The following COL17A1 variants were observed in gnomAD, a reference collection of about 807,000 sequenced individuals.
COL17A1 encodes collagen type XVII alpha 1 chain, also known as collagen alpha-1(XVII) chain.
In COL17A1, 181 loss-of-function variants were observed where a neutral mutation model predicts 218.4. That is an observed-to-expected ratio of 0.83 (90% CI 0.73 to 0.94). The LOEUF is 0.94. Ranked by LOEUF, COL17A1 falls within the 40% of genes least tolerant of loss-of-function variation. The probability of loss-of-function intolerance (pLI) is 0.00; values close to 1 mark genes in which losing one functional copy is unlikely to be tolerated. For missense variants in COL17A1, 1,924 were observed against 1,945.9 expected (o/e 0.99, Z 0.21); for synonymous variants, 721 against 731.0 (o/e 0.99, Z 0.22).
At position 104,052,993 on chromosome 10, in the gene COL17A1, G is replaced by C. The variant is rs568466818; in HGVS notation, c.1939+38C>G. 1.4e-4 allele frequency: 232 copies of C among 1,606,732 alleles called. 2 individuals carry two copies. In the South Asian group the frequency reaches 2.3e-3, roughly 16 times the overall value. The stretch of plus-strand genomic sequence containing the variant: ...TGTTGACAGAGAGAAGGAAGCACAG[G>C]CATAGCTAACTCTGCCGGTGAAGGA... On this transcript the variant is annotated intron_variant, in intron 23 of 55. Transcript: ENST00000648076.
At chr10:104,054,861 G>C in intron 20 of COL17A1, 120 bp downstream of exon 20, 2 of 1,483,344 alleles carry the variant, frequency 1.3e-6, no homozygotes, top group Non-Finnish European at 1.9e-6. Context: ...TCACACACCT[G>C]TCCCATCTGT....
At chr10:104,050,806 C>T in intron 26 of COL17A1, 42 bp downstream of exon 26, 1 of 1,614,120 alleles carries the variant, frequency 6.2e-7, no homozygotes, top group East Asian at 2.2e-5. Flanking sequence ...GGGTCGTGTC[C>T]ATCAGACCCT....
intron 33 of COL17A1, 114 bp from the exon 34 acceptor site, chr10:104,043,974 A>G (rs1589561477): frequency 1.7e-6 from 2 of 1,147,176 alleles, no homozygotes. Context: ...GCCTCTCACC[A>G]TCAGGCTAAA....
intron 5 of COL17A1, among the ~76,000 whole-genome samples, chr10:104,074,601 A>T (rs1394177618): frequency 6.6e-6 from 1 of 152,192 alleles, no homozygotes; most frequent in Non-Finnish European, 1.5e-5. Flanking sequence ...CAGCACCAGG[A>T]ACCTCTCTGA....
At chr10:104,082,490 T>C (rs1163920987) in intron 1 of COL17A1, among the ~76,000 whole-genome samples, 3 of 152,230 alleles carry the variant, frequency 2.0e-5, no homozygotes, top group African/African-American at 7.2e-5. Flanking sequence ...TAAATGCGCC[T>C]GGCAGTCAGT....
chr10:104,035,286 T>C lies in COL17A1; in HGVS notation c.3596A>G (p.Glu1199Gly). Residue 1199 changes from glutamate to glycine, a missense_variant, in exon 50 of 56, where the codon GAG (glutamate) becomes GGG (glycine). Coordinates refer to ENST00000648076, the MANE Select transcript of COL17A1 (RefSeq NM_000494.4). ...PGNVWSSISV[E>G]DLSSYLHTAG... ...ACTATGTAAGTAAGACGAGAGGTCC[T>C]CCACGCTGATGCTGGACCACACATT... The C allele has an allele frequency of 1.2e-6, 2 of 1,614,032 alleles. No homozygotes were observed. Among genetic ancestry groups the C allele is most frequent in the South Asian group, 2.2e-5 (2 of 91,042 alleles).
chr10:104,033,433 C>G, intron 52 of COL17A1, 58 bp from the exon 53 acceptor site: 1 of 1,584,982 alleles, frequency 6.3e-7, no homozygotes, highest in Non-Finnish European at 8.6e-7. Flanking sequence ...CCCTCTTCAG[C>G]AGGAGCACAG....
chr10:104,044,105 G>T (rs1213218423), intron 33 of COL17A1, among the ~76,000 whole-genome samples: 2 of 152,258 alleles, frequency 1.3e-5, no homozygotes, highest in Non-Finnish European at 2.9e-5. Context: ...TTGAGGATGT[G>T]GAAAGCTTGC....
intron 27 of COL17A1, 127 bp from the exon 28 acceptor site, chr10:104,050,251 T>C: frequency 1.4e-6 from 2 of 1,382,286 alleles, no homozygotes; most frequent in South Asian, 1.3e-5. Flanking sequence ...TCAGCGGATG[T>C]TGGTGAGGAC....
intron 48 of COL17A1, 66 bp from the exon 49 acceptor site, chr10:104,035,629 T>G: frequency 7.7e-7 from 1 of 1,297,332 alleles, no homozygotes; most frequent in Non-Finnish European, 1.1e-6. Flanking sequence ...AGAGAGGAGG[T>G]CGGATACAGA....
chr10:104,036,103 G>GGAGT (rs1564671284), intron 48 of COL17A1, among the ~76,000 whole-genome samples: 10 of 652 alleles, frequency 0.015, 1 homozygote, highest in East Asian at 0.036. Context: ...TGTGTGTATG[G>GGAGT]GAGTGTGTGT....
intron 41 of COL17A1, 39 bp from the exon 42 acceptor site, chr10:104,039,679 T>C (rs1378216016): frequency 6.2e-7 from 1 of 1,613,664 alleles, no homozygotes; most frequent in African/African-American, 1.3e-5. Flanking sequence ...CAGCCTCACT[T>C]TTCTCACCCA....
chr10:104,069,867 A>G (rs2086655495), intron 9 of COL17A1, among the ~76,000 whole-genome samples: 1 of 152,168 alleles, frequency 6.6e-6, no homozygotes, highest in African/African-American at 2.4e-5. Context: ...CGTGACAACG[A>G]ACAGCTAAAC....
At chr10:104,034,358 G>C in intron 51 of COL17A1, 24 bp from the exon 52 acceptor site, 1 of 1,539,584 alleles carries the variant, frequency 6.5e-7, no homozygotes, top group Non-Finnish European at 8.7e-7. Flanking sequence ...AGCTGCATGA[G>C]TGGGAGCTCA....
chr10:104,053,159 C>G lies in COL17A1; in HGVS notation c.1835-24G>C, dbSNP rs900614274. 6.2e-6 allele frequency: 10 copies of G among 1,609,906 alleles called. No individual in the cohort carries two copies. In the African/African-American group the frequency reaches 9.3e-5, roughly 15 times the overall value. On this transcript the variant is annotated intron_variant, in intron 22 of 55. Coordinates refer to ENST00000648076, the MANE Select transcript of COL17A1 (RefSeq NM_000494.4). ...TCCTAAAGACAGGGATGGCCAGCCT[C>G]CAAGTCAGGATCCCGTACCCCAGCT...
At chr10:104,046,387 C>T (rs920565946) in intron 32 of COL17A1, among the ~76,000 whole-genome samples, 8 of 152,300 alleles carry the variant, frequency 5.3e-5, no homozygotes, top group Middle Eastern at 3.4e-3. Context: ...GGATGAGCGC[C>T]CATGCCCTGT....
At chr10:104,032,553 G>A (rs1589553529) in intron 55 of COL17A1, 121 bp downstream of exon 55, 1 of 1,051,404 alleles carries the variant, frequency 9.5e-7, no homozygotes, top group Non-Finnish European at 1.5e-6. Context: ...TGTCTGCCTG[G>A]AGTAATTGGC....
chr10:104,052,516 A>G (rs1336479352), intron 23 of COL17A1, among the ~76,000 whole-genome samples: 1 of 152,218 alleles, frequency 6.6e-6, no homozygotes, highest in African/African-American at 2.4e-5. Flanking sequence ...GTTAGCATTA[A>G]GAGGACTTCT....
Position 104,050,660 on chromosome 10 carries a change from A to G in COL17A1, c.2093-4T>C, listed in dbSNP as rs747378552. 1.5e-5 allele frequency: 24 copies of G among 1,613,766 alleles called. No homozygotes were observed. Among genetic ancestry groups the G allele is most frequent in the East Asian group, 1.3e-4 (6 of 44,898 alleles). On this transcript the variant is annotated splice_polypyrimidine_tract_variant and splice_region_variant and intron_variant, in intron 26 of 55. Transcript: ENST00000648076. ...GGTCCCATTGGTCCTTTGTCACCTA[A>G]AAAGGAAATGGACACCTTGGTGTAA...
Sources: gnomAD v4.1 joint callset for allele counts (sites outside exome capture counted in the v4.1 genomes callset) on GRCh38, gnomAD v4.1.1 for gene constraint, MANE v1.5 for transcripts, NCBI Gene and HGNC (gene_info 2026-07-23, HGNC 2026-07-21) for gene names.